The following SUV39H2 variants were observed in gnomAD, a reference collection of about 807,000 sequenced individuals.
SUV39H2 encodes the protein SUV39H2 histone lysine methyltransferase.
SUV39H2 carries 10 observed loss-of-function variants against 47.5 expected under a neutral mutation model. That is an observed-to-expected ratio of 0.21 (90% CI 0.13 to 0.36). SUV39H2 has a LOEUF of 0.36. Among genes scored for constraint, SUV39H2 ranks in the 10% least tolerant of loss-of-function variants. The probability of loss-of-function intolerance (pLI) is 1.00; values close to 1 mark genes in which losing one functional copy is unlikely to be tolerated. For synonymous variants in SUV39H2, 159 were observed against 166.8 expected (o/e 0.95, Z 0.36); for missense variants, 266 against 487.4 (o/e 0.55, Z 4.28).
At chr10:14,879,082 C>A (rs778750002) in intron 1 of SUV39H2, 163 bp downstream of exon 1, 364 of 1,287,866 alleles carry the variant, frequency 2.8e-4, no homozygotes, top group Non-Finnish European at 3.3e-4. Flanking sequence ...TATCCTCCCC[C>A]AGGCCGCTGA....
At chr10:14,896,699 A>C (rs1029482468) in intron 2 of SUV39H2, 147 bp from the exon 3 acceptor site, 4 of 573,440 alleles carry the variant, frequency 7.0e-6, no homozygotes, top group Non-Finnish European at 1.2e-5. Flanking sequence ...TTTATACTTC[A>C]TGTGTTAGGA....
chr10:14,890,535 G>C (rs542753130), intron 2 of SUV39H2, among the ~76,000 whole-genome samples: 78 of 152,278 alleles, frequency 5.1e-4, no homozygotes, highest in African/African-American at 1.6e-3. Context: ...TAAGACCACA[G>C]GCATGTGCCA....
intron 4 of SUV39H2, among the ~76,000 whole-genome samples, chr10:14,900,638 T>C (rs1833942019): frequency 1.3e-5 from 2 of 152,248 alleles, no homozygotes; most frequent in South Asian, 4.1e-4. Context: ...GTAAGTTTAC[T>C]GTAGTATTCT....
chr10:14,879,156 C>CG, intron 1 of SUV39H2: 4 of 1,210,500 alleles, frequency 3.3e-6, no homozygotes, highest in Non-Finnish European at 4.1e-6. Context: ...TGGGGCACTT[C>CG]GGAAGTGGAG....
In SUV39H2 at chr10:14,894,656, C is replaced by T. The variant is rs531007696; in HGVS notation, c.178-2190C>T. Among the ~76,000 whole-genome samples the T allele has an allele frequency of 7.0e-5, 4 of 57,424 alleles. 1 individual carries two copies. The highest frequency in any genetic ancestry group is 6.1e-4 in the East Asian group (1 of 1,632). 37.7% of individuals were successfully genotyped at this position (57,424 alleles called of 152,430 possible). A position where few individuals can be genotyped will look rare whatever the true frequency, so the allele number is the denominator to read the frequency against. Reference sequence around the variant, plus strand: ...TGCTGGGATTACAGGCGTGAGCCACCGCGCCCGGCCGCAAAGTTTTTAATT... The same window carrying T: ...TGCTGGGATTACAGGCGTGAGCCACTGCGCCCGGCCGCAAAGTTTTTAATT... On this transcript the variant is annotated intron_variant, in intron 2 of 5. Coordinates refer to ENST00000354919, the MANE Select transcript of SUV39H2 (RefSeq NM_001193424.2).
intron 2 of SUV39H2, among the ~76,000 whole-genome samples, chr10:14,889,243 G>T (rs2131682036): frequency 6.6e-6 from 1 of 152,182 alleles, no homozygotes; most frequent in South Asian, 2.1e-4. Flanking sequence ...AAGTTTTTTT[G>T]AAAAGACCAT....
intron 1 of SUV39H2, 119 bp from the exon 2 acceptor site, chr10:14,881,381 A>C: frequency 1.2e-6 from 1 of 829,664 alleles, no homozygotes; most frequent in Non-Finnish European, 1.6e-6. Flanking sequence ...TTCTTGTCAT[A>C]GGAATTTTTA....
intron 2 of SUV39H2, among the ~76,000 whole-genome samples, chr10:14,891,618 G>A (rs1250422125): frequency 6.6e-6 from 1 of 152,132 alleles, no homozygotes; most frequent in Non-Finnish European, 1.5e-5. Context: ...TGGACAGGAA[G>A]AAGTCCATCT....
chr10:14,881,906 C>T (rs868135168), intron 2 of SUV39H2, among the ~76,000 whole-genome samples: 1 of 152,154 alleles, frequency 6.6e-6, no homozygotes, highest in Non-Finnish European at 1.5e-5. Context: ...TGTGGGTTAC[C>T]AGAGCAAATG....
chr10:14,883,205 C>G (rs1168581259), intron 2 of SUV39H2, among the ~76,000 whole-genome samples: 11 of 152,128 alleles, frequency 7.2e-5, no homozygotes, highest in Admixed American at 7.2e-4. Context: ...TTACATCAAG[C>G]TCTCTTTTTT....
Position 14,896,956 on chromosome 10 carries a change from C to G in SUV39H2, c.288C>G (p.Asp96Glu). Residue 96 changes from aspartate to glutamate, a missense_variant, in exon 3 of 6, where the codon GAC (aspartate) becomes GAG (glutamate). This residue lies in a region of SUV39H2 where 91 missense variants were observed against 110.9 expected (regional missense o/e 0.82). Coordinates refer to ENST00000354919, the MANE Select transcript of SUV39H2 (RefSeq NM_001193424.2). The stretch of plus-strand genomic sequence containing the variant: ...TACTGCTTCAGCAATTCTCTAATGA[C>G]AAGCATAATTATTTATCTCAGGTAA... ...CPLLLQQFSN[D>E]KHNYLSQVKK... 6.2e-7 allele frequency: 1 copy of G among 1,613,988 alleles called. No individual in the cohort carries two copies.
rs919860514 is a variant in SUV39H2 at position 14,898,202 on chromosome 10, C to CTTTTTT, written c.849+708_849+713dup. The CTTTTTT allele has an allele frequency of 4.3e-3, 240 of 56,136 alleles. 1 individual carries two copies. The highest frequency in any genetic ancestry group is 0.03 in the Middle Eastern group (2 of 66). The allele number at this position is 56,136 out of a possible 1,614,324, so 3.5% of individuals were successfully genotyped here. Reference sequence around the variant, plus strand: ...AAAACTCAGTGAGGTAGTACTGTTTCTTTTTTTTTTTTTTTTTTTTTTTTT... The same window carrying CTTTTTT: ...AAAACTCAGTGAGGTAGTACTGTTTCTTTTTTTTTTTTTTTTTTTTTTTTTTTTTTT... On this transcript the variant is annotated intron_variant, in intron 3 of 5. Coordinates refer to ENST00000354919, the MANE Select transcript of SUV39H2 (RefSeq NM_001193424.2).
chr10:14,890,038 A>G (rs185104107), intron 2 of SUV39H2, among the ~76,000 whole-genome samples: 1 of 152,350 alleles, frequency 6.6e-6, no homozygotes, highest in Non-Finnish European at 1.5e-5. Flanking sequence ...CTTAAAGTAT[A>G]CAGGTACTTT....
chr10:14,886,106 C>G (rs1833200013), intron 2 of SUV39H2, among the ~76,000 whole-genome samples: 1 of 152,168 alleles, frequency 6.6e-6, no homozygotes, highest in South Asian at 2.1e-4. Context: ...GTACTGAGCA[C>G]CTGTTATGAG....
chr10:14,901,354 C>G, intron 5 of SUV39H2, 92 bp downstream of exon 5: 2 of 1,517,868 alleles, frequency 1.3e-6, no homozygotes. Flanking sequence ...TGAACCAAAC[C>G]TAATACTAAA....
chr10:14,879,658 T>A (rs1832983428), intron 1 of SUV39H2, among the ~76,000 whole-genome samples: 1 of 152,038 alleles, frequency 6.6e-6, no homozygotes, highest in African/African-American at 2.4e-5. Context: ...TCGCGCACGC[T>A]TTGAGAGCCT....
chr10:14,902,047 C>A (rs1403760785), intron 5 of SUV39H2, among the ~76,000 whole-genome samples: 1 of 152,138 alleles, frequency 6.6e-6, no homozygotes, highest in Non-Finnish European at 1.5e-5. Context: ...TAACCTCTTA[C>A]ATACTGTGCT....
chr10:14,897,486 G>A lies in SUV39H2; in HGVS notation c.818G>A (p.Arg273Lys), dbSNP rs1833667609. The A allele has an allele frequency of 6.4e-7, 1 of 1,570,920 alleles. No homozygotes were observed. Among genetic ancestry groups the A allele is most frequent in the Non-Finnish European group, 8.7e-7 (1 of 1,155,942 alleles). The change falls in exon 3 of 6, where the codon AGA (arginine) becomes AAA (lysine). Residue 273 changes from arginine (R) to lysine (K), a missense_variant. Arg to Lys is a conservative substitution (Grantham distance 26, BLOSUM62 2). This residue lies in a region of SUV39H2 where 112 missense variants were observed against 271.9 expected (regional missense o/e 0.41). Coordinates refer to ENST00000354919, the MANE Select transcript of SUV39H2 (RefSeq NM_001193424.2). The part of the protein sequence containing the change: ...WGVKTLVKIK[R>K]MSFVMEYVGE... ...GTAAAGACCCTTGTGAAGATTAAAA[G>A]AATGAGTTTTGTCATGGAATATGTT...
In SUV39H2 at chr10:14,878,913, C is replaced by A; in HGVS notation, c.25C>A (p.Arg9=). The A allele has an allele frequency of 6.8e-7, 1 of 1,479,690 alleles. No homozygotes were observed. The highest frequency in any genetic ancestry group is 9.0e-7 in the Non-Finnish European group (1 of 1,113,042). 91.7% of individuals were successfully genotyped at this position (1,479,690 alleles called of 1,614,324 possible). ...GATGGCGGCGGTCGGGGCCGAGGCG[C>A]GAGGAGGTGAGGCTGGAGCGCGGCC... The part of the protein sequence containing the change: MAAVGAEA[R]GAWCVPCLVS... The change falls in exon 1 of 6, where the codon CGA becomes AGA. Residue 9 remains arginine, a synonymous_variant. Coordinates refer to ENST00000354919, the MANE Select transcript of SUV39H2 (RefSeq NM_001193424.2).
Sources: gnomAD v4.1 joint callset for allele counts (sites outside exome capture counted in the v4.1 genomes callset) on GRCh38, gnomAD v4.1.1 for gene constraint, gnomAD v4.1.1 regional missense constraint, MANE v1.5 for transcripts, NCBI Gene and HGNC (gene_info 2026-07-23, HGNC 2026-07-21) for gene names.